FAS: variants seen among roughly 807,000 people sequenced by gnomAD.
FAS encodes Fas cell surface death receptor, also known as tumor necrosis factor receptor superfamily member 6.
Under a neutral mutation model 33.2 loss-of-function variants are expected in FAS, and 5 were observed. The ratio of observed to expected loss-of-function variants is 0.15; its 90% CI spans 0.08 to 0.32. The LOEUF is 0.32. FAS is among the 10% of genes least tolerant of loss of function. FAS has a pLI of 1.00. For synonymous variants in FAS, 131 were observed against 130.7 expected (o/e 1.00, Z -0.01); for missense variants, 339 against 386.0 (o/e 0.88, Z 1.02).
chr10:88,971,176 G>T (rs1389242183), intron 1 of FAS, among the ~76,000 whole-genome samples: 4 of 152,188 alleles, frequency 2.6e-5, no homozygotes, highest in Non-Finnish European at 5.9e-5. Context: ...GGAAAAGGCA[G>T]ATATTTTTCT....
intron 1 of FAS, among the ~76,000 whole-genome samples, chr10:88,968,368 G>A (rs1846359133): frequency 6.6e-6 from 1 of 152,030 alleles, no homozygotes; most frequent in South Asian, 2.1e-4. Context: ...CTATATGCAG[G>A]GTTTTTGATC....
upstream of FAS, among the ~76,000 whole-genome samples, chr10:88,987,114 CTT>C (rs1157835438): frequency 6.6e-6 from 1 of 152,200 alleles, no homozygotes; most frequent in African/African-American, 2.4e-5. Flanking sequence ...TATTAATAGA[CTT>C]TGTCACTTGG....
At chr10:88,974,006 T>C (rs1228518925) in intron 2 of FAS, 3 of 152,272 alleles carry the variant, frequency 2.0e-5, no homozygotes, top group Admixed American at 6.5e-5. Context: ...TTTACCCTGT[T>C]GGCCAGGGTG....
chr10:88,973,545 C>T (rs2133329266), intron 2 of FAS: 2 of 380,732 alleles, frequency 5.3e-6, no homozygotes, highest in East Asian at 8.6e-5. Context: ...GTTTGGGATG[C>T]AATGTTGTGT....
chr10:88,967,839 T>C (rs1846347647), intron 1 of FAS, among the ~76,000 whole-genome samples: 1 of 152,178 alleles, frequency 6.6e-6, no homozygotes, highest in African/African-American at 2.4e-5. Context: ...AGGAAAATGG[T>C]TGGCAAAGTT....
At chr10:89,013,983 C>T (rs1848658624) in intron 8 of FAS, 136 bp from the exon 9 acceptor site, 3 of 853,696 alleles carry the variant, frequency 3.5e-6, no homozygotes, top group East Asian at 5.3e-5. Context: ...TTTCTGTATT[C>T]CCCTAGTCAG....
At chr10:88,976,389 A>G (rs1846565182) in intron 2 of FAS, among the ~76,000 whole-genome samples, 1 of 152,208 alleles carries the variant, frequency 6.6e-6, no homozygotes, top group Non-Finnish European at 1.5e-5. Context: ...AACAAGGGGA[A>G]ACTATTTAGT....
chr10:88,967,731 A>T (rs891839835), intron 1 of FAS, among the ~76,000 whole-genome samples: 4 of 152,210 alleles, frequency 2.6e-5, no homozygotes, highest in Non-Finnish European at 5.9e-5. Context: ...AGACCAATAC[A>T]AGGAAAATGG....
intron 1 of FAS, among the ~76,000 whole-genome samples, chr10:88,968,156 A>G (rs954999463): frequency 6.6e-6 from 1 of 152,302 alleles, no homozygotes; most frequent in South Asian, 2.1e-4. Flanking sequence ...TATTTTGCAT[A>G]TTTAATTTGT....
At chr10:89,007,601 GTTTT>G in intron 2 of FAS, 95 bp from the exon 3 acceptor site, 1 of 1,482,192 alleles carries the variant, frequency 6.7e-7, no homozygotes, top group Non-Finnish European at 9.2e-7. Context: ...CTCCCCTTGT[GTTTT>G]AGAAGAGTTT....
rs2862833 is a variant in FAS at position 89,015,872 on chromosome 10, A to G, written c.*1422A>G. 171,095 of 375,126 alleles carry G rather than the reference A, an allele frequency of 0.46. 39,554 individuals are homozygous for G. Among genetic ancestry groups the G allele is most frequent in the South Asian group, 0.52 (17,113 of 32,860 alleles). The allele number at this position is 375,126 out of a possible 1,614,324, so 23.2% of individuals were successfully genotyped here. A position where few individuals can be genotyped will look rare whatever the true frequency, so the allele number is the denominator to read the frequency against. On this transcript the variant is annotated 3_prime_UTR_variant, in exon 9 of 9. Transcript: ENST00000652046. ...CTGATGCTAAATATAACTTGTCTTT[A>G]ATGCTTCTTGGATCCCTTAGAAGGT...
chr10:89,002,901 C>G, intron 1 of FAS, 128 bp from the exon 2 acceptor site: 4 of 943,336 alleles, frequency 4.2e-6, no homozygotes, highest in Non-Finnish European at 6.7e-6. Context: ...ATCTGAAAGA[C>G]AGTGGAGCCC....
At chr10:89,001,873 G>A (rs906260021) in intron 1 of FAS, among the ~76,000 whole-genome samples, 2 of 152,174 alleles carry the variant, frequency 1.3e-5, no homozygotes, top group Admixed American at 6.5e-5. Context: ...TCACCCCTGC[G>A]AGAGGTTGCA....
chr10:88,994,809 T>A (rs1366920995), intron 1 of FAS, among the ~76,000 whole-genome samples: 4 of 151,282 alleles, frequency 2.6e-5, no homozygotes, highest in African/African-American at 9.7e-5. Flanking sequence ...TTACTATAAT[T>A]TTTATTATTT....
Position 89,007,849 on chromosome 10 carries a change from A to G in FAS, c.334+12A>G, listed in dbSNP as rs1202861175. The G allele has an allele frequency of 6.2e-7, 1 of 1,613,796 alleles. No homozygotes were observed. On this transcript the variant is annotated intron_variant, in intron 3 of 8. Coordinates refer to ENST00000652046, the MANE Select transcript of FAS (RefSeq NM_000043.6). ...TGATGAAGGACATGGTAAGAGTCTT[A>G]AAATGCAATTGAAAGAGGCCAATCT...
intron 2 of FAS, chr10:88,974,215 C>T (rs547969149): frequency 1.6e-4 from 24 of 151,380 alleles, no homozygotes; most frequent in African/African-American, 5.3e-4. Context: ...CCCTGACTAA[C>T]GTGGGTGGAA....
intron 1 of FAS, among the ~76,000 whole-genome samples, chr10:89,001,300 T>C (rs1159500383): frequency 6.6e-6 from 1 of 151,858 alleles, no homozygotes; most frequent in African/African-American, 2.4e-5. Context: ...TAAAAGTCTT[T>C]TCCTGTTTGC....
At chr10:88,993,801 G>A (rs1385618297) in intron 1 of FAS, among the ~76,000 whole-genome samples, 1 of 151,914 alleles carries the variant, frequency 6.6e-6, no homozygotes, top group Non-Finnish European at 1.5e-5. Flanking sequence ...ATATTGGGCT[G>A]TTTATTTTCA....
chr10:88,976,711 G>A (rs2133336321), intron 2 of FAS, among the ~76,000 whole-genome samples: 1 of 152,286 alleles, frequency 6.6e-6, no homozygotes, highest in Middle Eastern at 3.4e-3. Context: ...TAACAAAATT[G>A]TATTCATAAT....
Sources: allele counts gnomAD v4.1 joint callset (sites outside exome capture counted in the v4.1 genomes callset), GRCh38; gene constraint gnomAD v4.1.1; transcripts MANE v1.5; gene names NCBI Gene and HGNC (gene_info 2026-07-23, HGNC 2026-07-21).